SPRED2: variants seen among roughly 807,000 people sequenced by gnomAD.
SPRED2 encodes the protein sprouty related EVH1 domain containing 2.
Under a neutral mutation model 43.0 loss-of-function variants are expected in SPRED2, and 47 were observed. The observed-to-expected ratio is 1.09, with a 90% confidence interval of 0.87 to 1.40. The LOEUF (loss-of-function observed/expected upper bound fraction) is 1.40. Ranked by LOEUF, SPRED2 falls within the 40% of genes most tolerant of loss-of-function variation. SPRED2 has a pLI of 0.00. For missense variants in SPRED2, 561 were observed against 586.4 expected, an observed-to-expected ratio of 0.96 and a Z score of 0.45; for synonymous variants, 225 against 225.7, an observed-to-expected ratio of 1.00 and a Z score of 0.03.
chr2:65,390,710 T>C (rs917919192), intron 1 of SPRED2, among the ~76,000 whole-genome samples: 1 of 152,236 alleles, frequency 6.6e-6, no homozygotes, highest in Admixed American at 6.5e-5. Context: ...GTGGGCTACA[T>C]GTAAATGCTA....
intron 5 of SPRED2, among the ~76,000 whole-genome samples, chr2:65,314,987 A>G (rs1482844071): frequency 6.6e-6 from 1 of 152,172 alleles, no homozygotes; most frequent in East Asian, 1.9e-4. Flanking sequence ...GAAACCTGCA[A>G]ATCTAAGCTG....
chr2:65,425,139 G>GA (rs1676527211), intron 1 of SPRED2, among the ~76,000 whole-genome samples: 1 of 152,198 alleles, frequency 6.6e-6, no homozygotes, highest in Admixed American at 6.5e-5. Flanking sequence ...ATGAACAAAT[G>GA]AAAGTCAATT....
intron 1 of SPRED2, among the ~76,000 whole-genome samples, chr2:65,370,404 A>C (rs1675095896): frequency 6.6e-6 from 1 of 152,172 alleles, no homozygotes. Context: ...CACACATTCG[A>C]GTGTTTATAT....
intron 2 of SPRED2, among the ~76,000 whole-genome samples, chr2:65,338,819 C>T (rs1184266938): frequency 6.6e-6 from 1 of 151,772 alleles, no homozygotes; most frequent in Non-Finnish European, 1.5e-5. Context: ...TGAGGAGCGT[C>T]TCTGCCCGGC....
intron 1 of SPRED2, chr2:65,377,758 C>T (rs1675278740): frequency 2.1e-6 from 1 of 467,962 alleles, no homozygotes; most frequent in Non-Finnish European, 4.5e-6. Context: ...TGGGCAACTC[C>T]CTAGGTAACT....
chr2:65,371,448 C>T (rs1355379917), intron 1 of SPRED2, among the ~76,000 whole-genome samples: 2 of 152,188 alleles, frequency 1.3e-5, no homozygotes, highest in East Asian at 1.9e-4. Context: ...AAAATATCAA[C>T]ATCTTTGAGA....
At chr2:65,424,996 T>C (rs200128805) in intron 1 of SPRED2, among the ~76,000 whole-genome samples, 5 of 152,250 alleles carry the variant, frequency 3.3e-5, no homozygotes, top group East Asian at 1.9e-4. Context: ...TCAGTTAGTA[T>C]GGATGCAAAT....
intron 4 of SPRED2, among the ~76,000 whole-genome samples, chr2:65,329,016 C>T (rs933948077): frequency 6.6e-6 from 1 of 152,198 alleles, no homozygotes; most frequent in Non-Finnish European, 1.5e-5. Context: ...ACCCAAAAGC[C>T]CATCTAGGAC....
At chr2:65,345,990 A>G (rs1572857607) in intron 1 of SPRED2, among the ~76,000 whole-genome samples, 1 of 152,304 alleles carries the variant, frequency 6.6e-6, no homozygotes, top group South Asian at 2.1e-4. Flanking sequence ...ATTCAAACAT[A>G]TATTTGCGTG....
intron 3 of SPRED2, chr2:65,334,033 G>C: frequency 2.9e-6 from 1 of 339,298 alleles, no homozygotes; most frequent in Non-Finnish European, 5.8e-6. Flanking sequence ...GTGGACTCTA[G>C]TCAAGCCCAC....
At chr2:65,349,615 T>C (rs530971085) in intron 1 of SPRED2, among the ~76,000 whole-genome samples, 1 of 152,352 alleles carries the variant, frequency 6.6e-6, no homozygotes, top group African/African-American at 2.4e-5. Flanking sequence ...TGCTGTTCTG[T>C]TTCTTTGAGG....
At chr2:65,395,786 A>G (rs1675745184) in intron 1 of SPRED2, among the ~76,000 whole-genome samples, 1 of 152,196 alleles carries the variant, frequency 6.6e-6, no homozygotes, top group African/African-American at 2.4e-5. Context: ...ATATTTTTGC[A>G]GTTACTGCTG....
chr2:65,371,819 T>TA (rs368878905), intron 1 of SPRED2, among the ~76,000 whole-genome samples: 37 of 152,152 alleles, frequency 2.4e-4, no homozygotes, highest in African/African-American at 8.9e-4. Flanking sequence ...CTCACGCCTC[T>TA]AATCCCAGCA....
rs1242504077 is a variant in SPRED2, at chr2:65,390,870, A to G, written c.26+41092T>C. On this transcript the variant is annotated intron_variant, in intron 1 of 5. Coordinates refer to ENST00000356388, the MANE Select transcript of SPRED2 (RefSeq NM_181784.3). ...GGAGGCCAAGGTAGTGGATCACTTG[A>G]GCTCAGGAGTTTGAGACCAGCCTAG... 2.6e-5 allele frequency among the ~76,000 whole-genome samples: 4 copies of G among 152,022 alleles called. No individual in the cohort carries two copies. In the East Asian group the frequency reaches 7.7e-4, roughly 29 times the overall value.
At chr2:65,314,515 A>G (rs1336392554) in intron 5 of SPRED2, among the ~76,000 whole-genome samples, 1 of 152,120 alleles carries the variant, frequency 6.6e-6, no homozygotes, top group East Asian at 1.9e-4. Context: ...AGCATGGCAC[A>G]CTCAGATCAA....
chr2:65,333,796 T>C (rs946919238), intron 3 of SPRED2, among the ~76,000 whole-genome samples: 2 of 152,242 alleles, frequency 1.3e-5, no homozygotes, highest in African/African-American at 4.8e-5. Context: ...CTTGCTTTTT[T>C]TCCTCTTCCC....
At chr2:65,430,669 A>G (rs762756915) in intron 1 of SPRED2, among the ~76,000 whole-genome samples, 1 of 152,082 alleles carries the variant, frequency 6.6e-6, no homozygotes, top group African/African-American at 2.4e-5. Context: ...ACTCCCCTGC[A>G]AAGACGCGCG....
chr2:65,333,259 CA>C (rs200576180), intron 3 of SPRED2, among the ~76,000 whole-genome samples: 38,632 of 93,436 alleles, frequency 0.41, 4,979 homozygotes, highest in East Asian at 0.68. Flanking sequence ...GACTCCATCT[CA>C]AAAAAAAAAA....
At chr2:65,368,515 A>T (rs1675041109) in intron 1 of SPRED2, among the ~76,000 whole-genome samples, 1 of 152,220 alleles carries the variant, frequency 6.6e-6, no homozygotes. Context: ...AGTATTTTGG[A>T]GAAATAAGTT....
Sources: allele counts gnomAD v4.1 joint callset (sites outside exome capture counted in the v4.1 genomes callset), GRCh38; gene constraint gnomAD v4.1.1; transcripts MANE v1.5; gene names NCBI Gene and HGNC (gene_info 2026-07-23, HGNC 2026-07-21).